The following DIP2C variants were observed in gnomAD, a reference collection of about 807,000 sequenced individuals.
DIP2C encodes the protein disco-interacting protein 2 homolog C.
A neutral mutation model predicts 192.4 loss-of-function variants in DIP2C; 33 were observed. That is an observed-to-expected ratio of 0.17 (90% CI 0.13 to 0.23). The LOEUF is 0.23. Among genes scored for constraint, DIP2C ranks in the 10% least tolerant of loss-of-function variants. The pLI, the probability that DIP2C is intolerant of heterozygous loss-of-function variation, is 1.00. For missense variants in DIP2C, 1,537 were observed against 2,110.1 expected (o/e 0.73, Z 5.32); for synonymous variants, 979 against 864.1 (o/e 1.13, Z -2.33).
Position 588,685 on chromosome 10 carries a change from G to T in DIP2C, c.85+100809C>A, listed in dbSNP as rs565998076. ...TGCTGTGCTGACAGTCGTGAGGCAG[G>T]CAGCCTTCGAGCTCCTCCAGCTGCC... is the stretch of plus-strand genomic sequence containing the variant. On this transcript the variant is annotated intron_variant, in intron 1 of 36. Transcript: ENST00000280886. Among the ~76,000 whole-genome samples the T allele has an allele frequency of 4.6e-5, 7 of 152,326 alleles. No individual in the cohort carries two copies. In the South Asian group the frequency reaches 1.5e-3, roughly 32 times the overall value.
intron 31 of DIP2C, chr10:311,424 G>A: frequency 1.0e-6 from 1 of 969,664 alleles, no homozygotes; most frequent in Non-Finnish European, 1.3e-6. Flanking sequence ...AGGGCCTGCA[G>A]ACCCCCGGCC....
intron 3 of DIP2C, among the ~76,000 whole-genome samples, chr10:448,521 T>C (rs1968526412): frequency 1.4e-5 from 2 of 140,956 alleles, no homozygotes; most frequent in Non-Finnish European, 3.1e-5. Context: ...CTCACTCCCG[T>C]TGATACTCAG....
At chr10:639,296 T>C (rs1588653894) in intron 1 of DIP2C, among the ~76,000 whole-genome samples, 2 of 129,292 alleles carry the variant, frequency 1.5e-5, no homozygotes, top group African/African-American at 3.0e-5. Context: ...ACGCGTCAGG[T>C]CGGGAGGGTG....
At chr10:335,777 C>A (rs1957735029) in intron 29 of DIP2C, among the ~76,000 whole-genome samples, 1 of 152,198 alleles carries the variant, frequency 6.6e-6, no homozygotes, top group African/African-American at 2.4e-5. Context: ...GACTCTCTTT[C>A]CTTTAACTAT....
chr10:606,907 TGGGG>T (rs1279285367), intron 1 of DIP2C, among the ~76,000 whole-genome samples: 55 of 152,284 alleles, frequency 3.6e-4, no homozygotes, highest in Admixed American at 7.8e-4. Context: ...TGACTCAGGC[TGGGG>T]TCTGAATAGG....
chr10:379,272 CA>C (rs1349800289), intron 17 of DIP2C, among the ~76,000 whole-genome samples: 36 of 150,180 alleles, frequency 2.4e-4, no homozygotes, highest in African/African-American at 6.3e-4. Flanking sequence ...ACCCCTTCCC[CA>C]TCACTAGGGC....
chr10:668,082 C>A (rs1564326133), intron 1 of DIP2C: 1 of 151,810 alleles, frequency 6.6e-6, no homozygotes, highest in African/African-American at 2.4e-5. Flanking sequence ...ACAACACACA[C>A]AACACATGCA....
Position 390,767 on chromosome 10 carries a change from G to A in DIP2C, c.1357C>T (p.Pro453Ser). 6.2e-7 allele frequency: 1 copy of A among 1,614,130 alleles called. No homozygotes were observed. Among genetic ancestry groups the A allele is most frequent in the Non-Finnish European group, 8.5e-7 (1 of 1,180,008 alleles). The change falls in exon 11 of 37, where the codon CCA (proline) becomes TCA (serine). Residue 453 changes from proline (P) to serine (S), a missense_variant. Around this residue, in one of 4 missense-constraint regions of DIP2C, gnomAD observed 677 missense variants for 989.9 expected, o/e 0.68. Coordinates refer to ENST00000280886, the MANE Select transcript of DIP2C (RefSeq NM_014974.3). Reference protein sequence around the residue: ...DACHKGLPKSPTGEIPQFKGW... With the variant: ...DACHKGLPKSSTGEIPQFKGW... ...TTAAACTGTGGGATCTCTCCCGTTG[G>A]GCTTTTTGGAAGTCCTTTATGGCAG... is the stretch of plus-strand genomic sequence containing the variant.
intron 1 of DIP2C, among the ~76,000 whole-genome samples, chr10:512,689 A>C (rs1338639897): frequency 6.6e-6 from 1 of 152,180 alleles, no homozygotes; most frequent in Admixed American, 6.5e-5. Flanking sequence ...CGGGGTGGGC[A>C]GATCACCTGA....
Position 286,312 on chromosome 10 carries a change from T to C in DIP2C, c.4080A>G (p.Pro1360=), listed in dbSNP as rs201950293. ...AGTCCCCCAGCGGTCCTTTTGTTTC[T>C]GGGTTGGCAATTATAATCCGAACCC... ...LPGVRIIIAN[P]ETKGPLGDSH... is the part of the protein sequence containing the mutation. The change falls in exon 34 of 37, where the codon CCA becomes CCG. Residue 1360 remains proline (P), a synonymous_variant. Coordinates refer to ENST00000280886, the MANE Select transcript of DIP2C (RefSeq NM_014974.3). 5.6e-6 allele frequency: 9 copies of C among 1,614,046 alleles called. No homozygotes were observed. Among genetic ancestry groups the C allele is most frequent in the South Asian group, 1.1e-5 (1 of 91,076 alleles).
At chr10:390,650 G>T in intron 11 of DIP2C, 90 bp downstream of exon 11, 1 of 1,542,136 alleles carries the variant, frequency 6.5e-7, no homozygotes, top group Non-Finnish European at 8.8e-7. Flanking sequence ...TTCCACAGAG[G>T]ATTGAAACCG....
At chr10:424,273 A>AT (rs1428525179) in intron 4 of DIP2C, among the ~76,000 whole-genome samples, 1 of 131,426 alleles carries the variant, frequency 7.6e-6, no homozygotes, top group Non-Finnish European at 1.6e-5. Context: ...CACATGACTT[A>AT]TGCTGTCTGG....
intron 17 of DIP2C, chr10:369,879 A>C: frequency 7.3e-7 from 1 of 1,366,894 alleles, no homozygotes; most frequent in South Asian, 1.5e-5. Flanking sequence ...GTAAACTACC[A>C]ACGCAGCTCC....
At chr10:561,766 A>C (rs1849231329) in intron 1 of DIP2C, among the ~76,000 whole-genome samples, 1 of 145,154 alleles carries the variant, frequency 6.9e-6, no homozygotes, top group South Asian at 2.1e-4. Flanking sequence ...TTCCAGAGAG[A>C]GCAGGTGCCA....
intron 1 of DIP2C, among the ~76,000 whole-genome samples, chr10:497,175 C>T (rs573227715): frequency 2.0e-5 from 3 of 152,226 alleles, no homozygotes; most frequent in Admixed American, 6.5e-5. Context: ...CCCCAAACAA[C>T]GTGAGTGCTA....
intron 3 of DIP2C, among the ~76,000 whole-genome samples, chr10:449,920 C>CAACAACAAAAAAAAAAAAAAAAAAAAA (rs1408389732): frequency 4.4e-5 from 6 of 135,902 alleles, no homozygotes; most frequent in African/African-American, 1.8e-4. Flanking sequence ...TCAACAACAA[C>CAACAACAAAAAAAAAAAAAAAAAAAAA]AAAAAAAAAA....
At position 486,466 on chromosome 10, in the gene DIP2C, C is replaced by T. The variant is rs764624793; in HGVS notation, c.150G>A (p.Gln50=). The change falls in exon 2 of 37, where the codon CAG becomes CAA. Residue 50 remains glutamine, a synonymous_variant. Coordinates refer to ENST00000280886, the MANE Select transcript of DIP2C (RefSeq NM_014974.3). ...CTCATGGGGGTTACCTACTCGGAGG[C>T]TGCGGAAGGTAGGCTCCAATTAACT... The part of the protein sequence containing the change: ...RSKLIGAYLP[Q]PPRVDQALPQ... 6.2e-7 allele frequency: 1 copy of T among 1,600,018 alleles called. No individual in the cohort carries two copies. Among genetic ancestry groups the T allele is most frequent in the Non-Finnish European group, 8.5e-7 (1 of 1,173,448 alleles).
intron 1 of DIP2C, among the ~76,000 whole-genome samples, chr10:569,496 A>C (rs988640664): frequency 1.7e-4 from 26 of 152,182 alleles, no homozygotes; most frequent in Admixed American, 1.6e-3. Context: ...ACTAGCTCAA[A>C]CTCAAACGCA....
In DIP2C at chr10:586,828, C is replaced by G. The variant is rs1851062007; in HGVS notation, c.86-100298G>C. ...GCCTTGGTCTTGTTTCACAAGCTATCAAATGCTGCCCCCCACATTTTGTGG... is the reference window on the plus strand; with the variant it reads ...GCCTTGGTCTTGTTTCACAAGCTATGAAATGCTGCCCCCCACATTTTGTGG... On this transcript the variant is annotated intron_variant, in intron 1 of 36. Transcript: ENST00000280886. 2.7e-5 allele frequency among the ~76,000 whole-genome samples: 4 copies of G among 150,178 alleles called. 1 individual carries two copies. The South Asian group carries it at 8.3e-4, about 31-fold the overall frequency.
Sources: allele counts gnomAD v4.1 joint callset (sites outside exome capture counted in the v4.1 genomes callset), GRCh38; gene constraint gnomAD v4.1.1; regional missense constraint gnomAD v4.1.1; transcripts MANE v1.5; gene names NCBI Gene and HGNC (gene_info 2026-07-23, HGNC 2026-07-21).